The following SPIDR variants were observed in gnomAD, a reference collection of about 807,000 sequenced individuals.
SPIDR encodes scaffold protein involved in DNA repair.
A neutral mutation model predicts 104.6 loss-of-function variants in SPIDR; 93 were observed. The observed-to-expected ratio is 0.89, with a 90% CI of 0.75 to 1.06. The LOEUF (loss-of-function observed/expected upper bound fraction) is 1.06. SPIDR is among the 50% of genes least tolerant of loss of function. The probability of loss-of-function intolerance (pLI) is 0.00; values close to 1 mark genes in which losing one functional copy is unlikely to be tolerated. For missense variants in SPIDR, 1,154 were observed against 1,111.2 expected, an observed-to-expected ratio of 1.04 and a Z score of -0.55; for synonymous variants, 431 against 416.9, an observed-to-expected ratio of 1.03 and a Z score of -0.41.
intron 5 of SPIDR, among the ~76,000 whole-genome samples, chr8:47,353,702 A>G: frequency 8.5e-6 from 1 of 117,254 alleles, no homozygotes; most frequent in African/African-American, 3.2e-5. Flanking sequence ...TTAAATCTAT[A>G]CTGAGATTTT....
intron 14 of SPIDR, among the ~76,000 whole-genome samples, chr8:47,703,605 T>C (rs2080643189): frequency 6.6e-6 from 1 of 152,240 alleles, no homozygotes; most frequent in Non-Finnish European, 1.5e-5. Context: ...GAAACCTTTA[T>C]TTACAGACAC....
At chr8:47,352,108 CT>C (rs2053609244) in intron 5 of SPIDR, among the ~76,000 whole-genome samples, 1 of 151,976 alleles carries the variant, frequency 6.6e-6, no homozygotes, top group South Asian at 2.1e-4. Flanking sequence ...GAAACCCCGT[CT>C]CTACTAAAAA....
intron 7 of SPIDR, among the ~76,000 whole-genome samples, chr8:47,411,827 T>G (rs2063569532): frequency 6.6e-6 from 1 of 152,230 alleles, no homozygotes; most frequent in Admixed American, 6.5e-5. Context: ...GAATTAATTT[T>G]TGTATAAGGT....
At chr8:47,334,231 A>T (rs782660646) in intron 5 of SPIDR, among the ~76,000 whole-genome samples, 1 of 152,112 alleles carries the variant, frequency 6.6e-6, no homozygotes, top group African/African-American at 2.4e-5. Context: ...AATCTAGAGG[A>T]TATGTATTCT....
intron 8 of SPIDR, among the ~76,000 whole-genome samples, chr8:47,448,527 T>C (rs149251450): frequency 1.2e-4 from 18 of 152,300 alleles, no homozygotes; most frequent in African/African-American, 4.3e-4. Context: ...AAAAGTAATA[T>C]AAACAAGTTA....
At chr8:47,678,110 A>G (rs1177128102) in intron 11 of SPIDR, among the ~76,000 whole-genome samples, 3 of 152,104 alleles carry the variant, frequency 2.0e-5, no homozygotes, top group East Asian at 3.9e-4. Context: ...TGTTTGTACT[A>G]TGCTCCCAGC....
chr8:47,712,783 C>G lies in SPIDR; in HGVS notation c.2099C>G (p.Pro700Arg). Residue 700 changes from proline (P) to arginine (R), a missense_variant, in exon 15 of 20, where the codon CCC (proline) becomes CGC (arginine). Transcript: ENST00000297423. ...AAAACCCTGCTGGTCTATGTGGCCC[C>G]CTTGTGTGTGCTGGGCTCTGAAGTC... Reference protein sequence around the residue: ...LPKTLLVYVAPLCVLGSEVLE... With the variant: ...LPKTLLVYVARLCVLGSEVLE... 2 of 1,614,140 alleles carry G rather than the reference C, an allele frequency of 1.2e-6. No individual in the cohort carries two copies. The highest frequency in any genetic ancestry group is 1.7e-6 in the Non-Finnish European group (2 of 1,180,032).
At chr8:47,571,015 C>T (rs62539112) in intron 8 of SPIDR, among the ~76,000 whole-genome samples, 5 of 151,692 alleles carry the variant, frequency 3.3e-5, no homozygotes, top group South Asian at 4.2e-4. Context: ...TGCTTGAACC[C>T]GGGAGGCAGA....
At chr8:47,582,971 T>C (rs1220471938) in intron 8 of SPIDR, among the ~76,000 whole-genome samples, 2 of 152,086 alleles carry the variant, frequency 1.3e-5, no homozygotes, top group African/African-American at 4.8e-5. Flanking sequence ...AAGACTGTTA[T>C]GTCTAGTTTT....
chr8:47,632,224 C>A (rs1040862556), intron 10 of SPIDR, among the ~76,000 whole-genome samples: 10 of 152,102 alleles, frequency 6.6e-5, no homozygotes, highest in African/African-American at 2.4e-4. Flanking sequence ...GAGTGAAATA[C>A]CGAGTTGAAC....
chr8:47,641,280 C>T (rs1180933157), intron 10 of SPIDR, among the ~76,000 whole-genome samples: 1 of 152,074 alleles, frequency 6.6e-6, no homozygotes, highest in Non-Finnish European at 1.5e-5. Flanking sequence ...CAGCCTTGGC[C>T]TCCCAAAGCA....
chr8:47,328,568 T>C (rs2048103199), intron 5 of SPIDR, among the ~76,000 whole-genome samples: 1 of 152,138 alleles, frequency 6.6e-6, no homozygotes, highest in Admixed American at 6.6e-5. Flanking sequence ...TTCATTTTTT[T>C]GAATATGGAA....
intron 15 of SPIDR, 64 bp downstream of exon 15, chr8:47,712,936 T>C: frequency 6.3e-7 from 1 of 1,596,672 alleles, no homozygotes; most frequent in South Asian, 1.1e-5. Flanking sequence ...GAATACCTCT[T>C]GTGGCCTCTG....
intron 8 of SPIDR, among the ~76,000 whole-genome samples, chr8:47,564,095 T>C (rs1204592507): frequency 7.0e-6 from 1 of 143,286 alleles, no homozygotes; most frequent in Non-Finnish European, 1.5e-5. Context: ...TTTTTTTTTT[T>C]TTGAGGCGGA....
chr8:47,705,449 T>C (rs570702219), intron 14 of SPIDR, among the ~76,000 whole-genome samples: 1 of 152,168 alleles, frequency 6.6e-6, no homozygotes, highest in Non-Finnish European at 1.5e-5. Flanking sequence ...TAGTCTGCTT[T>C]TGTGTGTAAA....
At chr8:47,261,306 T>C (rs1056325336) in intron 1 of SPIDR, among the ~76,000 whole-genome samples, 4 of 152,176 alleles carry the variant, frequency 2.6e-5, no homozygotes, top group Admixed American at 1.3e-4. Flanking sequence ...CTTACTCTTG[T>C]CTCTTTTTGA....
chr8:47,379,824 C>T (rs890159984), intron 5 of SPIDR, among the ~76,000 whole-genome samples: 5 of 152,146 alleles, frequency 3.3e-5, no homozygotes, highest in African/African-American at 4.8e-5. Context: ...CCTTGTGGAG[C>T]TTCTGGGTGA....
intron 8 of SPIDR, among the ~76,000 whole-genome samples, chr8:47,545,505 A>G (rs1442631255): frequency 6.6e-6 from 1 of 151,772 alleles, no homozygotes; most frequent in East Asian, 1.9e-4. Context: ...GTTTTGCTGA[A>G]CTCATTTATT....
intron 8 of SPIDR, among the ~76,000 whole-genome samples, chr8:47,530,925 T>G (rs1309584794): frequency 6.6e-6 from 1 of 152,070 alleles, no homozygotes; most frequent in Non-Finnish European, 1.5e-5. Context: ...ATAACTTTTT[T>G]TTTTTAAAGG....
Sources: gnomAD v4.1 joint callset for allele counts (sites outside exome capture counted in the v4.1 genomes callset) on GRCh38, gnomAD v4.1.1 for gene constraint, MANE v1.5 for transcripts, NCBI Gene and HGNC (gene_info 2026-07-23, HGNC 2026-07-21) for gene names.